PPARGC1A: variants seen among roughly 807,000 people sequenced by gnomAD.
PPARGC1A encodes the protein PPARG coactivator 1 alpha, also known as peroxisome proliferator-activated receptor gamma coactivator 1-alpha.
A neutral mutation model predicts 88.7 loss-of-function variants in PPARGC1A; 25 were observed. That is an observed-to-expected ratio of 0.28 (90% CI 0.21 to 0.39). The LOEUF (loss-of-function observed/expected upper bound fraction) is 0.39. Among genes scored for constraint, PPARGC1A ranks in the 10% least tolerant of loss-of-function variants. The probability of loss-of-function intolerance (pLI) is 1.00; values close to 1 mark genes in which losing one functional copy is unlikely to be tolerated. For missense variants in PPARGC1A, 880 were observed against 968.7 expected, an observed-to-expected ratio of 0.91 and a Z score of 1.22; for synonymous variants, 363 against 355.6, an observed-to-expected ratio of 1.02 and a Z score of -0.24.
intron 2 of PPARGC1A, among the ~76,000 whole-genome samples, chr4:23,832,771 G>A (rs1267787697): frequency 4.6e-5 from 7 of 151,600 alleles, no homozygotes; most frequent in South Asian, 2.1e-4. Flanking sequence ...CACCACGCCC[G>A]GCTAATTTTT....
At chr4:24,211,725 T>C in the PPARGC1A span, among the ~76,000 whole-genome samples, 1 of 152,200 alleles carries the variant, frequency 6.6e-6, no homozygotes, top group Non-Finnish European at 1.5e-5. Context: ...CCATCTCATC[T>C]GTAAAATAGG....
the PPARGC1A span, among the ~76,000 whole-genome samples, chr4:23,922,310 G>A: frequency 6.6e-6 from 1 of 152,150 alleles, no homozygotes; most frequent in Non-Finnish European, 1.5e-5. Context: ...ATCACATCAA[G>A]GAAGGAACAT....
the PPARGC1A span, among the ~76,000 whole-genome samples, chr4:24,320,981 C>T: frequency 6.6e-6 from 1 of 152,114 alleles, no homozygotes; most frequent in Non-Finnish European, 1.5e-5. Context: ...AGAAGATATC[C>T]AGGTCCCCGT....
At chr4:24,413,368 G>A in the PPARGC1A span, among the ~76,000 whole-genome samples, 1 of 151,894 alleles carries the variant, frequency 6.6e-6, no homozygotes, top group African/African-American at 2.4e-5. Context: ...CAAGATTAGA[G>A]GAGCAAGCCC....
At chr4:23,953,362 G>A in the PPARGC1A span, among the ~76,000 whole-genome samples, 23 of 152,144 alleles carry the variant, frequency 1.5e-4, no homozygotes, top group Middle Eastern at 3.4e-3. Flanking sequence ...GTATTACTCC[G>A]TACTATTCCT....
the PPARGC1A span, among the ~76,000 whole-genome samples, chr4:23,970,861 G>C: frequency 6.6e-6 from 1 of 152,054 alleles, no homozygotes; most frequent in Admixed American, 6.5e-5. Context: ...TTTCCTTTTT[G>C]ATTTTTCTAA....
At chr4:24,044,959 G>A in the PPARGC1A span, among the ~76,000 whole-genome samples, 1 of 152,168 alleles carries the variant, frequency 6.6e-6, no homozygotes, top group African/African-American at 2.4e-5. Context: ...TTCCACCCAG[G>A]CAAGTATTTT....
the PPARGC1A span, among the ~76,000 whole-genome samples, chr4:24,061,316 T>A: frequency 6.6e-6 from 1 of 152,162 alleles, no homozygotes; most frequent in Non-Finnish European, 1.5e-5. Context: ...ATGACTTGAT[T>A]CCATTCATTC....
the PPARGC1A span, among the ~76,000 whole-genome samples, chr4:24,153,179 T>C: frequency 1.3e-5 from 2 of 152,120 alleles, no homozygotes; most frequent in Non-Finnish European, 2.9e-5. Context: ...AATTGTACAA[T>C]TGCTCTGTTT....
chr4:24,286,688 T>C, the PPARGC1A span, among the ~76,000 whole-genome samples: 2 of 152,224 alleles, frequency 1.3e-5, no homozygotes, highest in Non-Finnish European at 2.9e-5. Context: ...ACACTCCTTA[T>C]GTATTAGTTG....
the PPARGC1A span, among the ~76,000 whole-genome samples, chr4:24,221,698 A>G: frequency 6.6e-6 from 1 of 152,184 alleles, no homozygotes; most frequent in African/African-American, 2.4e-5. Flanking sequence ...ACTTGAGGCC[A>G]GGAGTTAAAG....
the PPARGC1A span, among the ~76,000 whole-genome samples, chr4:24,016,271 G>T: frequency 6.6e-6 from 1 of 152,230 alleles, no homozygotes; most frequent in Admixed American, 6.5e-5. Flanking sequence ...CTGAGAAATT[G>T]GGTCACAATG....
chr4:24,247,716 T>A, the PPARGC1A span, among the ~76,000 whole-genome samples: 3 of 152,194 alleles, frequency 2.0e-5, no homozygotes, highest in African/African-American at 7.2e-5. Flanking sequence ...CACATTGCAA[T>A]CATTCGTTAT....
chr4:24,110,873 G>T, the PPARGC1A span, among the ~76,000 whole-genome samples: 1 of 152,080 alleles, frequency 6.6e-6, no homozygotes, highest in Non-Finnish European at 1.5e-5. Flanking sequence ...CTTGCTTAAG[G>T]TCCTACAGTT....
the PPARGC1A span, among the ~76,000 whole-genome samples, chr4:24,004,508 C>A: frequency 6.6e-6 from 1 of 152,164 alleles, no homozygotes; most frequent in Non-Finnish European, 1.5e-5. Flanking sequence ...ATTATTCTGC[C>A]AATCTCCACT....
the PPARGC1A span, among the ~76,000 whole-genome samples, chr4:24,181,537 A>G: frequency 6.6e-6 from 1 of 152,184 alleles, no homozygotes; most frequent in Non-Finnish European, 1.5e-5. Flanking sequence ...ATGAATGTCA[A>G]TATGAGAGGT....
At chr4:24,052,321 G>A in the PPARGC1A span, among the ~76,000 whole-genome samples, 2 of 152,240 alleles carry the variant, frequency 1.3e-5, no homozygotes, top group African/African-American at 2.4e-5. Context: ...GGCCTCTTAA[G>A]TAGAATCAGG....
chr4:24,457,845 G>A, the PPARGC1A span, among the ~76,000 whole-genome samples: 5 of 152,170 alleles, frequency 3.3e-5, no homozygotes, highest in Non-Finnish European at 7.3e-5. Flanking sequence ...TTACAGGCGT[G>A]AGCCACCGTG....
At chr4:24,157,740 C>G in the PPARGC1A span, among the ~76,000 whole-genome samples, 1 of 152,004 alleles carries the variant, frequency 6.6e-6, no homozygotes, top group Non-Finnish European at 1.5e-5. Context: ...TGTCCTGATC[C>G]AACCCCATCT....
Sources: allele counts gnomAD v4.1 joint callset (sites outside exome capture counted in the v4.1 genomes callset), GRCh38; gene constraint gnomAD v4.1.1; transcripts MANE v1.5; gene names NCBI Gene and HGNC (gene_info 2026-07-23, HGNC 2026-07-21).